The following VSNL1 variants were observed in gnomAD, a reference collection of about 807,000 sequenced individuals.
The protein encoded by VSNL1 is visinin like 1, also known as visinin-like protein 1.
A neutral mutation model predicts 20.4 loss-of-function variants in VSNL1; 6 were observed. The ratio of observed to expected loss-of-function variants is 0.29; its 90% CI spans 0.16 to 0.58. VSNL1 has a LOEUF of 0.58. Ranked by LOEUF, VSNL1 falls within the 20% of genes least tolerant of loss-of-function variation. The pLI, the probability that VSNL1 is intolerant of heterozygous loss-of-function variation, is 0.90. For synonymous variants in VSNL1, 93 were observed against 86.4 expected, an observed-to-expected ratio of 1.08 and a Z score of -0.42; for missense variants, 100 against 234.5, an observed-to-expected ratio of 0.43 and a Z score of 3.75.
At chr2:17,602,144 G>A (rs1255340048) in intron 2 of VSNL1, among the ~76,000 whole-genome samples, 1 of 152,178 alleles carries the variant, frequency 6.6e-6, no homozygotes, top group Non-Finnish European at 1.5e-5. Context: ...ACCTAGGTGG[G>A]AGTCAGTTAC....
At chr2:17,566,234 G>A (rs1450446965) in intron 1 of VSNL1, among the ~76,000 whole-genome samples, 3 of 151,688 alleles carry the variant, frequency 2.0e-5, no homozygotes, top group Admixed American at 1.3e-4. Context: ...TTTTCACATG[G>A]CTTCTTGTAT....
At chr2:17,575,566 C>CA (rs1194503384) in intron 1 of VSNL1, among the ~76,000 whole-genome samples, 1 of 151,340 alleles carries the variant, frequency 6.6e-6, no homozygotes, top group East Asian at 1.9e-4. Context: ...GATGGAGTCT[C>CA]ACACTGTCGC....
intron 2 of VSNL1, among the ~76,000 whole-genome samples, chr2:17,600,183 A>C (rs1664792722): frequency 6.6e-6 from 1 of 152,232 alleles, no homozygotes; most frequent in African/African-American, 2.4e-5. Context: ...AGCAGTGTGA[A>C]TATGGGAAAG....
intron 2 of VSNL1, among the ~76,000 whole-genome samples, chr2:17,630,997 A>G (rs1028577200): frequency 1.3e-5 from 2 of 152,090 alleles, no homozygotes; most frequent in African/African-American, 4.8e-5. Flanking sequence ...GGCCAGGCTG[A>G]TCTCGAACTC....
chr2:17,639,196 G>T (rs1271603530), intron 2 of VSNL1, among the ~76,000 whole-genome samples: 3 of 152,116 alleles, frequency 2.0e-5, no homozygotes, highest in Non-Finnish European at 4.4e-5. Context: ...GCATTGCTTC[G>T]ATGGAAATAT....
chr2:17,653,477 G>A (rs959278133), intron 3 of VSNL1, among the ~76,000 whole-genome samples: 2 of 152,274 alleles, frequency 1.3e-5, no homozygotes, highest in African/African-American at 2.4e-5. Flanking sequence ...TACACATTCC[G>A]TGCTTTTCCT....
rs1269719338 is a variant in VSNL1 at position 17,649,266 on chromosome 2, C to T, written c.163-144C>T. 1.3e-6 allele frequency: 1 copy of T among 752,688 alleles called. No individual in the cohort carries two copies. Among genetic ancestry groups the T allele is most frequent in the African/African-American group, 1.7e-5 (1 of 58,012 alleles). The allele number at this position is 752,688 out of a possible 1,614,324, so 46.6% of individuals were successfully genotyped here. A position where few individuals can be genotyped will look rare whatever the true frequency, so the allele number is the denominator to read the frequency against. ...GCCTCCCCTAATGCCTGCCCTTGCC[C>T]TTGACAGTCAGGCCAAACTGCTCTC... is the stretch of plus-strand genomic sequence containing the variant. On this transcript the variant is annotated intron_variant, in intron 2 of 3. Coordinates refer to ENST00000295156, the MANE Select transcript of VSNL1 (RefSeq NM_003385.5). This position sits in a 1 kb window ranked among gnomAD's most constrained non-coding sequence, Gnocchi z 6.4.
intron 3 of VSNL1, among the ~76,000 whole-genome samples, chr2:17,654,614 C>T (rs770172177): frequency 1.3e-4 from 20 of 152,332 alleles, no homozygotes; most frequent in South Asian, 4.1e-4. Context: ...AGCCAAAAAC[C>T]TGGAAGCCAC....
At chr2:17,625,871 C>T (rs1444325935) in intron 2 of VSNL1, among the ~76,000 whole-genome samples, 1 of 132,842 alleles carries the variant, frequency 7.5e-6, no homozygotes, top group Non-Finnish European at 1.6e-5. Context: ...TTTGAGATCT[C>T]AGCGCACTAC....
At chr2:17,637,656 T>A (rs536772858) in intron 2 of VSNL1, among the ~76,000 whole-genome samples, 1 of 152,340 alleles carries the variant, frequency 6.6e-6, no homozygotes, top group East Asian at 1.9e-4. Context: ...ATTAGCAGCT[T>A]CTGCATCAGA....
chr2:17,560,199 T>TAC (rs1663781093), intron 1 of VSNL1, among the ~76,000 whole-genome samples: 1 of 149,398 alleles, frequency 6.7e-6, no homozygotes, highest in African/African-American at 2.4e-5. Context: ...GAAAACATCA[T>TAC]ATATATATAC....
At chr2:17,636,378 C>G (rs115345828) in intron 2 of VSNL1, among the ~76,000 whole-genome samples, 152 of 152,260 alleles carry the variant, frequency 1.0e-3, no homozygotes, top group African/African-American at 3.5e-3. Flanking sequence ...CACACAAACC[C>G]CTGCTTCCTT....
chr2:17,632,149 G>A (rs540426853), intron 2 of VSNL1, among the ~76,000 whole-genome samples: 109 of 152,030 alleles, frequency 7.2e-4, no homozygotes, highest in South Asian at 4.6e-3. Flanking sequence ...GATTACAGGC[G>A]TGAGCCACCA....
chr2:17,567,495 A>T (rs994986924), intron 1 of VSNL1: 2 of 151,152 alleles, frequency 1.3e-5, no homozygotes, highest in African/African-American at 2.4e-5. Context: ...AGTAGCTGGG[A>T]CTACAGGCGG....
intron 1 of VSNL1, among the ~76,000 whole-genome samples, chr2:17,554,089 C>T (rs1322863095): frequency 2.0e-5 from 3 of 152,106 alleles, no homozygotes; most frequent in South Asian, 2.1e-4. Flanking sequence ...TATAAGGGCT[C>T]ATAATGCAAT....
At chr2:17,632,312 G>C (rs1665652686) in intron 2 of VSNL1, among the ~76,000 whole-genome samples, 1 of 151,770 alleles carries the variant, frequency 6.6e-6, no homozygotes, top group Non-Finnish European at 1.5e-5. Flanking sequence ...TTGTTTGTTT[G>C]TTTGCTTTGA....
intron 1 of VSNL1, among the ~76,000 whole-genome samples, chr2:17,579,367 G>A (rs1215822188): frequency 2.0e-5 from 3 of 151,908 alleles, no homozygotes; most frequent in Admixed American, 6.6e-5. Flanking sequence ...CGCCCGCCTC[G>A]GCCTCCCAAA....
At chr2:17,576,628 A>G (rs1312916344) in intron 1 of VSNL1, among the ~76,000 whole-genome samples, 1 of 152,222 alleles carries the variant, frequency 6.6e-6, no homozygotes, top group African/African-American at 2.4e-5. Context: ...CAATGTTAAT[A>G]CTTAAAAGAC....
intron 2 of VSNL1, among the ~76,000 whole-genome samples, chr2:17,599,012 T>C (rs1361168746): frequency 6.6e-6 from 1 of 152,216 alleles, no homozygotes; most frequent in Non-Finnish European, 1.5e-5. Flanking sequence ...GAGTCTCCAG[T>C]GGGATAAAAC....
Sources: allele counts gnomAD v4.1 joint callset (sites outside exome capture counted in the v4.1 genomes callset), GRCh38; gene constraint gnomAD v4.1.1; non-coding constraint Gnocchi (gnomAD v3.1); transcripts MANE v1.5; gene names NCBI Gene and HGNC (gene_info 2026-07-23, HGNC 2026-07-21).